The following KPNA1 variants were observed in gnomAD, a reference collection of about 807,000 sequenced individuals.
KPNA1 encodes the protein importin subunit alpha-5.
Under a neutral mutation model 70.5 loss-of-function variants are expected in KPNA1, and 10 were observed. The ratio of observed to expected loss-of-function variants is 0.14; its 90% CI spans 0.09 to 0.24. KPNA1 has a LOEUF of 0.24. KPNA1 is among the 10% of genes least tolerant of loss of function. The pLI, the probability that KPNA1 is intolerant of heterozygous loss-of-function variation, is 1.00. For missense variants in KPNA1, 397 were observed against 637.9 expected, an observed-to-expected ratio of 0.62 and a Z score of 4.07; for synonymous variants, 192 against 221.9, an observed-to-expected ratio of 0.87 and a Z score of 1.20.
At chr3:122,484,382 C>T (rs901906129) in intron 2 of KPNA1, among the ~76,000 whole-genome samples, 34 of 152,024 alleles carry the variant, frequency 2.2e-4, no homozygotes, top group African/African-American at 8.0e-4. Context: ...TAAACATGAC[C>T]GGGCACAGTG....
Position 122,433,772 on chromosome 3 carries a change from T to G in KPNA1, c.1139A>C (p.Asn380Thr), listed in dbSNP as rs777181799. 1 of 1,606,732 alleles carries G rather than the reference T, an allele frequency of 6.2e-7. No individual in the cohort carries two copies. Among genetic ancestry groups the G allele is most frequent in the Admixed American group, 1.7e-5 (1 of 58,110 alleles). Residue 380 changes from asparagine to threonine, a missense_variant, in exon 12 of 14, where the codon AAC becomes ACC. Transcript: ENST00000344337. ...RAQIQTVIDA[N>T]IFPALISILQ... ...AATACTAATGAGGGCTGGGAAAATG[T>G]TGGCATCTATCACAGTCTAAAATTA...
intron 8 of KPNA1, among the ~76,000 whole-genome samples, 179 bp from the exon 9 acceptor site, chr3:122,449,916 T>C (rs780703426): frequency 2.0e-5 from 3 of 152,198 alleles, no homozygotes; most frequent in African/African-American, 4.8e-5. Context: ...GTCAGTGATC[T>C]TGCACTAATC....
chr3:122,437,322 C>T, intron 10 of KPNA1, 27 bp from the exon 11 acceptor site: 2 of 1,549,098 alleles, frequency 1.3e-6, no homozygotes, highest in Non-Finnish European at 1.8e-6. Flanking sequence ...GAAAATTTTA[C>T]TTATTGTATT....
At chr3:122,464,574 G>A (rs961620056) in intron 3 of KPNA1, among the ~76,000 whole-genome samples, 1 of 152,170 alleles carries the variant, frequency 6.6e-6, no homozygotes, top group Non-Finnish European at 1.5e-5. Flanking sequence ...AATACTTATT[G>A]AGTGAGTAAA....
chr3:122,485,660 T>G (rs1347740483), intron 2 of KPNA1, among the ~76,000 whole-genome samples: 4 of 152,100 alleles, frequency 2.6e-5, no homozygotes, highest in Admixed American at 6.6e-5. Context: ...TTTAACAGAC[T>G]TCACTAAAGT....
chr3:122,484,802 T>C (rs2076611039), intron 2 of KPNA1, among the ~76,000 whole-genome samples: 1 of 152,218 alleles, frequency 6.6e-6, no homozygotes, highest in Non-Finnish European at 1.5e-5. Flanking sequence ...AGATTCAACA[T>C]AATCCCAATC....
chr3:122,485,706 A>G (rs2076621450), intron 2 of KPNA1, among the ~76,000 whole-genome samples: 1 of 152,186 alleles, frequency 6.6e-6, no homozygotes, highest in Non-Finnish European at 1.5e-5. Context: ...AAAGATGCTC[A>G]CTGGTGATCT....
intron 12 of KPNA1, among the ~76,000 whole-genome samples, chr3:122,433,452 G>T (rs1400214379): frequency 4.6e-5 from 7 of 152,152 alleles, no homozygotes; most frequent in African/African-American, 1.2e-4. Flanking sequence ...GAGTTATAAA[G>T]AATTAAATAC....
chr3:122,480,939 T>C (rs560877017), intron 2 of KPNA1, among the ~76,000 whole-genome samples: 4 of 152,044 alleles, frequency 2.6e-5, no homozygotes, highest in Admixed American at 6.6e-5. Context: ...CAGTGAACCA[T>C]AATGGCACCA....
intron 2 of KPNA1, among the ~76,000 whole-genome samples, chr3:122,490,848 CTTAT>C (rs949298536): frequency 2.0e-5 from 3 of 151,932 alleles, no homozygotes; most frequent in Non-Finnish European, 4.4e-5. Flanking sequence ...CTTTAATTTT[CTTAT>C]TTACTTATTT....
chr3:122,510,990 G>T (rs960419818), intron 1 of KPNA1, among the ~76,000 whole-genome samples: 3 of 152,064 alleles, frequency 2.0e-5, no homozygotes, highest in African/African-American at 7.2e-5. Flanking sequence ...AATCTTTAAC[G>T]ATCAATGTGA....
intron 12 of KPNA1, among the ~76,000 whole-genome samples, chr3:122,430,381 G>A (rs998406998): frequency 4.6e-5 from 7 of 152,048 alleles, no homozygotes; most frequent in South Asian, 2.1e-4. Context: ...GAAATATCAC[G>A]TAGTAACTCA....
rs1559752781 is a variant in KPNA1 at position 122,494,980 on chromosome 3, G to C, written c.129+1457C>G. Among the ~76,000 whole-genome samples the C allele has an allele frequency of 3.3e-5, 5 of 152,040 alleles. No individual in the cohort carries two copies. The South Asian group carries it at 1.0e-3, about 32-fold the overall frequency. ...CTGTTAAGATTTCTGAGAATAAAAGGAAAGGAAATTCCTGTAATCCCAGCA... is the reference window on the plus strand; with the variant it reads ...CTGTTAAGATTTCTGAGAATAAAAGCAAAGGAAATTCCTGTAATCCCAGCA... On this transcript the variant is annotated intron_variant, in intron 2 of 13. Coordinates refer to ENST00000344337, the MANE Select transcript of KPNA1 (RefSeq NM_002264.4).
At chr3:122,429,385 T>G (rs762967294) in intron 12 of KPNA1, among the ~76,000 whole-genome samples, 1 of 142,038 alleles carries the variant, frequency 7.0e-6, no homozygotes, top group East Asian at 2.1e-4. Flanking sequence ...GAGGCGGAGG[T>G]TGCAGGAGCC....
chr3:122,442,311 T>C (rs902720081), intron 9 of KPNA1, among the ~76,000 whole-genome samples, 195 bp from the exon 10 acceptor site: 6 of 152,202 alleles, frequency 3.9e-5, no homozygotes, highest in African/African-American at 1.4e-4. Context: ...CCCCTTATTT[T>C]AGTACATTTG....
chr3:122,496,297 ATTT>A (rs2076759796), intron 2 of KPNA1, 137 bp downstream of exon 2: 1 of 635,870 alleles, frequency 1.6e-6, no homozygotes, highest in Non-Finnish European at 2.5e-6. Flanking sequence ...AAAAGTGTTG[ATTT>A]TACAGGGGAG....
chr3:122,442,213 A>ATTT, intron 9 of KPNA1, 97 bp from the exon 10 acceptor site: 2 of 910,560 alleles, frequency 2.2e-6, no homozygotes, highest in Non-Finnish European at 3.6e-6. Flanking sequence ...TTGTGATAGA[A>ATTT]TTTTAGAGCA....
At chr3:122,456,884 T>C (rs556672002) in intron 5 of KPNA1, among the ~76,000 whole-genome samples, 1 of 152,294 alleles carries the variant, frequency 6.6e-6, no homozygotes, top group South Asian at 2.1e-4. Context: ...TATTCATGCA[T>C]TAATAAGGCA....
intron 5 of KPNA1, chr3:122,459,296 C>T (rs2076296967): frequency 3.0e-6 from 1 of 329,476 alleles, no homozygotes; most frequent in Admixed American, 6.5e-5. Flanking sequence ...GGTTATATAC[C>T]ATCTATATTT....
Sources: allele counts gnomAD v4.1 joint callset (sites outside exome capture counted in the v4.1 genomes callset), GRCh38; gene constraint gnomAD v4.1.1; transcripts MANE v1.5; gene names NCBI Gene and HGNC (gene_info 2026-07-23, HGNC 2026-07-21).